The following USP4 variants were observed in gnomAD, a reference collection of about 807,000 sequenced individuals.
The protein encoded by USP4 is ubiquitin specific peptidase 4.
A neutral mutation model predicts 118.2 loss-of-function variants in USP4; 72 were observed. The ratio of observed to expected loss-of-function variants is 0.61; its 90% CI spans 0.50 to 0.74. USP4 has a LOEUF of 0.74. USP4 is among the 30% of genes least tolerant of loss of function. The pLI, the probability that USP4 is intolerant of heterozygous loss-of-function variation, is 0.00. For missense variants in USP4, 1,037 were observed against 1,185.7 expected (o/e 0.87, Z 1.84); for synonymous variants, 415 against 440.4 (o/e 0.94, Z 0.72).
chr3:49,338,662 CAAAAAAA>C (rs1184984948), intron 1 of USP4, among the ~76,000 whole-genome samples: 6 of 52,892 alleles, frequency 1.1e-4, no homozygotes, highest in South Asian at 6.6e-4. Flanking sequence ...AATTCCTTCT[CAAAAAAA>C]AAAAAAAAAA....
At chr3:49,281,501 C>T (rs1175523712) in intron 19 of USP4, among the ~76,000 whole-genome samples, 6 of 143,256 alleles carry the variant, frequency 4.2e-5, no homozygotes, top group African/African-American at 1.1e-4. Flanking sequence ...TACACACACA[C>T]ACACACACAC....
chr3:49,286,770 C>T (rs545006732), intron 15 of USP4, among the ~76,000 whole-genome samples: 18 of 152,264 alleles, frequency 1.2e-4, no homozygotes, highest in African/African-American at 4.1e-4. Flanking sequence ...ATCCATCCAT[C>T]CATCATCCAT....
Position 49,310,637 on chromosome 3 carries a change from T to C in USP4, c.937A>G (p.Met313Val). ...GLGNLGNTCF[M>V]NSALQCLSNT... ...TCCTCTACCTGCAAAGCGGAGTTCA[T>C]GAAGCAGGTGTTTCCCAGGTTTCCA... The change falls in exon 8 of 22, where the codon ATG becomes GTG. Residue 313 changes from methionine to valine, a missense_variant. Physicochemically the swap from Met to Val is conservative, Grantham distance 21. Coordinates refer to ENST00000265560, the MANE Select transcript of USP4 (RefSeq NM_003363.4). 6.2e-7 allele frequency: 1 copy of C among 1,613,960 alleles called. No homozygotes were observed. Among genetic ancestry groups the C allele is most frequent in the Non-Finnish European group, 8.5e-7 (1 of 1,179,834 alleles).
rs201853078 is a variant in USP4, at chr3:49,340,034, G to C, written c.-10C>G. 2 of 1,603,214 alleles carry C rather than the reference G, an allele frequency of 1.2e-6. No individual in the cohort carries two copies. Among genetic ancestry groups the C allele is most frequent in the East Asian group, 2.2e-5 (1 of 44,828 alleles). ...CTCCACCTTCCGCCATCTCCTCCGC[G>C]GCCCCGGCCCAGCCGGCCCGGACAT... is the stretch of plus-strand genomic sequence containing the variant. On this transcript the variant is annotated 5_prime_UTR_variant, in exon 1 of 22. Transcript: ENST00000265560.
chr3:49,308,260 TG>T (rs2107785575), intron 8 of USP4, among the ~76,000 whole-genome samples: 2 of 152,178 alleles, frequency 1.3e-5, no homozygotes, highest in African/African-American at 4.8e-5. Context: ...TGACTTACGG[TG>T]GGGGCTTTGG....
chr3:49,291,544 T>C (rs1442717514), intron 15 of USP4, among the ~76,000 whole-genome samples: 1 of 138,984 alleles, frequency 7.2e-6, no homozygotes, highest in Non-Finnish European at 1.5e-5. Flanking sequence ...ACTGCGCTCC[T>C]GCATGGGCGA....
At position 49,283,979 on chromosome 3, in the gene USP4, T is replaced by A; in HGVS notation, c.2540+8A>T. ...AATGTTCCTAACACTGTAGTCACCA[T>A]GACCCACCTGATTGGGAATTCTACG... On this transcript the variant is annotated splice_region_variant and intron_variant, in intron 19 of 21. Coordinates refer to ENST00000265560, the MANE Select transcript of USP4 (RefSeq NM_003363.4). The A allele has an allele frequency of 1.2e-6, 2 of 1,614,208 alleles. No homozygotes were observed. Among genetic ancestry groups the A allele is most frequent in the Non-Finnish European group, 1.7e-6 (2 of 1,180,022 alleles).
chr3:49,302,189 TAAA>T (rs200559085), intron 10 of USP4, among the ~76,000 whole-genome samples, 192 bp downstream of exon 10: 3 of 123,966 alleles, frequency 2.4e-5, no homozygotes, highest in Non-Finnish European at 3.5e-5. Context: ...TGTCTCTATT[TAAA>T]AAAAAAAAAA....
At chr3:49,295,737 C>A (rs937053888) in intron 13 of USP4, among the ~76,000 whole-genome samples, 5 of 126,204 alleles carry the variant, frequency 4.0e-5, no homozygotes, top group African/African-American at 1.6e-4. Context: ...CACACACACC[C>A]CCCCCTCCCC....
intron 15 of USP4, among the ~76,000 whole-genome samples, chr3:49,290,494 C>T (rs2047140876): frequency 6.6e-6 from 1 of 152,166 alleles, no homozygotes; most frequent in Admixed American, 6.6e-5. Flanking sequence ...GGTTTTGCAA[C>T]TGATAATTTT....
chr3:49,280,938 G>T, intron 19 of USP4, 91 bp from the exon 20 acceptor site: 1 of 981,062 alleles, frequency 1.0e-6, no homozygotes, highest in Non-Finnish European at 1.6e-6. Flanking sequence ...ATGCAACAGG[G>T]CAGAACACAG....
intron 6 of USP4, among the ~76,000 whole-genome samples, chr3:49,314,455 C>T (rs759741747): frequency 1.2e-4 from 18 of 152,178 alleles, no homozygotes; most frequent in Non-Finnish European, 2.2e-4. Flanking sequence ...GCCAAGGGTA[C>T]TCTCATTCAC....
chr3:49,283,849 TA>T, intron 19 of USP4, 137 bp downstream of exon 19: 2 of 1,001,252 alleles, frequency 2.0e-6, no homozygotes, highest in Non-Finnish European at 3.0e-6. Context: ...TAACTACAGC[TA>T]AACTCTGACC....
chr3:49,286,428 CT>C (rs2047091446), intron 15 of USP4, 103 bp from the exon 16 acceptor site: 2 of 1,183,892 alleles, frequency 1.7e-6, no homozygotes, highest in Admixed American at 4.6e-5. Context: ...AGATTTTGTT[CT>C]GTGTATATGA....
At chr3:49,327,263 C>A (rs1241359929) in intron 3 of USP4, among the ~76,000 whole-genome samples, 1 of 151,972 alleles carries the variant, frequency 6.6e-6, no homozygotes, top group Non-Finnish European at 1.5e-5. Flanking sequence ...ACAGGCTGGG[C>A]GTAGTGGCTC....
chr3:49,298,662 CA>C, intron 11 of USP4, 27 bp from the exon 12 acceptor site: 3 of 1,609,112 alleles, frequency 1.9e-6, no homozygotes, highest in South Asian at 2.2e-5. Context: ...GTCAAGGTCA[CA>C]GGGGTGCCCC....
At chr3:49,288,049 T>A (rs2047116795) in intron 15 of USP4, among the ~76,000 whole-genome samples, 1 of 152,102 alleles carries the variant, frequency 6.6e-6, no homozygotes, top group Non-Finnish European at 1.5e-5. Context: ...TCAGTAAAAA[T>A]GGAAATTCTG....
At position 49,297,984 on chromosome 3, in the gene USP4, GA is replaced by G; in HGVS notation, c.1597-21del. 1 of 1,548,716 alleles carries G rather than the reference GA, an allele frequency of 6.5e-7. No homozygotes were observed. Among genetic ancestry groups the G allele is most frequent in the South Asian group, 1.1e-5 (1 of 89,718 alleles). On this transcript the variant is annotated intron_variant, in intron 12 of 21. Coordinates refer to ENST00000265560, the MANE Select transcript of USP4 (RefSeq NM_003363.4). ...CACCATCTAAGAATGAACAGTAACA[GA>G]AAGACCACAGAATGGCTAAGAGTGC...
rs569234716 is a variant in USP4, at chr3:49,330,922, G to A, written c.230-3106C>T. Reference sequence around the variant, plus strand: ...GATCCCAGCTACTCAGGAGGCTGAGGCAGGAGAATCGTGTGAACCCGGGAG... The same window carrying A: ...GATCCCAGCTACTCAGGAGGCTGAGACAGGAGAATCGTGTGAACCCGGGAG... On this transcript the variant is annotated intron_variant, in intron 2 of 21. Coordinates refer to ENST00000265560, the MANE Select transcript of USP4 (RefSeq NM_003363.4). Among the ~76,000 whole-genome samples, 3 of 151,864 alleles carry A rather than the reference G, an allele frequency of 2.0e-5. No individual in the cohort carries two copies. In the South Asian group the frequency reaches 6.2e-4, roughly 32 times the overall value.
Sources: gnomAD v4.1 joint callset for allele counts (sites outside exome capture counted in the v4.1 genomes callset) on GRCh38, gnomAD v4.1.1 for gene constraint, MANE v1.5 for transcripts, NCBI Gene and HGNC (gene_info 2026-07-23, HGNC 2026-07-21) for gene names.